CDH13: variants seen among roughly 807,000 people sequenced by gnomAD.
CDH13 encodes cadherin-13.
In CDH13, 24 loss-of-function variants were observed where a neutral mutation model predicts 63.8. The ratio of observed to expected loss-of-function variants is 0.38; its 90% CI spans 0.27 to 0.53. CDH13 has a LOEUF of 0.53. Ranked by LOEUF, CDH13 falls within the 20% of genes least tolerant of loss-of-function variation. The pLI is 0.85. For missense variants in CDH13, 1,049 were observed against 903.1 expected, an observed-to-expected ratio of 1.16 and a Z score of -2.07; for synonymous variants, 503 against 355.3, an observed-to-expected ratio of 1.42 and a Z score of -4.67.
intron 5 of CDH13, among the ~76,000 whole-genome samples, chr16:83,264,709 T>C (rs1907399686): frequency 6.6e-6 from 1 of 151,874 alleles, no homozygotes; most frequent in African/African-American, 2.4e-5. Flanking sequence ...CCCTAATTTC[T>C]AATTCCTAGA....
intron 1 of CDH13, among the ~76,000 whole-genome samples, chr16:82,772,772 G>A (rs1323203267): frequency 6.6e-6 from 1 of 152,152 alleles, no homozygotes; most frequent in Non-Finnish European, 1.5e-5. Context: ...AAAGTAATAT[G>A]TCTAACATCA....
intron 6 of CDH13, among the ~76,000 whole-genome samples, chr16:83,348,820 C>T (rs2090892841): frequency 6.6e-6 from 1 of 152,148 alleles, no homozygotes; most frequent in Non-Finnish European, 1.5e-5. Flanking sequence ...ATGCTTCACC[C>T]AGTGCTTAGG....
intron 4 of CDH13, among the ~76,000 whole-genome samples, chr16:83,160,959 G>A (rs1055488823): frequency 6.6e-6 from 1 of 152,186 alleles, no homozygotes; most frequent in Non-Finnish European, 1.5e-5. Flanking sequence ...TCCTGTTAGG[G>A]CAGAAATTGG....
intron 8 of CDH13, among the ~76,000 whole-genome samples, chr16:83,620,687 G>T (rs922789303): frequency 2.0e-5 from 3 of 152,142 alleles, no homozygotes; most frequent in South Asian, 2.1e-4. Context: ...GGGTCTTGTT[G>T]TCCCTCCACG....
intron 8 of CDH13, among the ~76,000 whole-genome samples, chr16:83,653,780 A>G (rs146346881): frequency 1.9e-3 from 287 of 152,338 alleles, no homozygotes; most frequent in African/African-American, 6.7e-3. Flanking sequence ...GTATCTATGT[A>G]GCATCTCACT....
chr16:83,088,216 T>C (rs1420172451), intron 3 of CDH13, among the ~76,000 whole-genome samples: 2 of 152,202 alleles, frequency 1.3e-5, no homozygotes, highest in African/African-American at 4.8e-5. Context: ...ACATTGCAGA[T>C]TCAACTCTGA....
chr16:82,895,686 TC>T (rs1486150029), intron 2 of CDH13, among the ~76,000 whole-genome samples: 4 of 62,048 alleles, frequency 6.4e-5, no homozygotes, highest in African/African-American at 1.5e-4. Flanking sequence ...GGGACGCCTC[TC>T]CCTTTTTTTT....
At chr16:82,747,707 C>A (rs984214216) in intron 1 of CDH13, among the ~76,000 whole-genome samples, 4 of 83,430 alleles carry the variant, frequency 4.8e-5, no homozygotes, top group Non-Finnish European at 1.2e-4. Context: ...GGCTTTGAAT[C>A]CACTTACAAA....
rs187561792 is a variant in CDH13, at chr16:82,839,746, T to G, written c.46-18616T>G. ...GATGTTTGACAAGCCAAGGAGACTC[T>G]AGTGTAGTCCCCCAGCCTACTGTAG... is the stretch of plus-strand genomic sequence containing the variant. On this transcript the variant is annotated intron_variant, in intron 1 of 13. Transcript: ENST00000567109. 1.0e-3 allele frequency among the ~76,000 whole-genome samples: 153 copies of G among 152,348 alleles called. 4 individuals are homozygous for G. In the East Asian group the frequency reaches 0.024, roughly 24 times the overall value.
intron 7 of CDH13, among the ~76,000 whole-genome samples, chr16:83,508,590 C>G (rs1040873601): frequency 6.6e-6 from 1 of 152,230 alleles, no homozygotes; most frequent in Non-Finnish European, 1.5e-5. Flanking sequence ...ACCATCCCTT[C>G]TTGACCCTTG....
chr16:83,060,621 C>T (rs1288530522), intron 3 of CDH13, among the ~76,000 whole-genome samples: 1 of 152,152 alleles, frequency 6.6e-6, no homozygotes, highest in Non-Finnish European at 1.5e-5. Context: ...TGAAACTCTC[C>T]GGAAAAGTTG....
At chr16:83,413,797 G>T (rs1355851600) in intron 6 of CDH13, among the ~76,000 whole-genome samples, 1 of 152,022 alleles carries the variant, frequency 6.6e-6, no homozygotes, top group Non-Finnish European at 1.5e-5. Context: ...AGTCCAGCCT[G>T]GCCAACATGG....
intron 2 of CDH13, among the ~76,000 whole-genome samples, chr16:82,899,631 G>A (rs1337219940): frequency 6.6e-6 from 1 of 152,090 alleles, no homozygotes; most frequent in Non-Finnish European, 1.5e-5. Flanking sequence ...GTGTTTTGGA[G>A]TATGCATGGA....
chr16:82,921,245 A>G (rs559024052), intron 2 of CDH13, among the ~76,000 whole-genome samples: 3 of 152,290 alleles, frequency 2.0e-5, no homozygotes, highest in South Asian at 4.1e-4. Flanking sequence ...AGTGGGTGGA[A>G]TTAAGTGCTG....
intron 6 of CDH13, among the ~76,000 whole-genome samples, chr16:83,408,386 C>A (rs538097743): frequency 4.6e-5 from 7 of 152,122 alleles, no homozygotes; most frequent in African/African-American, 1.7e-4. Context: ...AGTGCACTTA[C>A]GCAAATCTAG....
intron 1 of CDH13, chr16:82,773,518 A>T (rs374074979): frequency 3.3e-5 from 5 of 152,292 alleles, no homozygotes; most frequent in African/African-American, 1.2e-4. Context: ...TTTGAACATT[A>T]GGTAGGTCTC....
intron 10 of CDH13, among the ~76,000 whole-genome samples, chr16:83,742,279 A>C (rs1567565583): frequency 6.6e-6 from 1 of 151,986 alleles, no homozygotes; most frequent in South Asian, 2.1e-4. Context: ...AGTAACCCCC[A>C]CTGCGCTGCC....
At chr16:82,641,769 G>C (rs74030159) in intron 1 of CDH13, among the ~76,000 whole-genome samples, 3,294 of 152,262 alleles carry the variant, frequency 0.022, 114 homozygotes, top group African/African-American at 0.074. Context: ...CACTTTTCTA[G>C]GCACTGGGAA....
intron 1 of CDH13, among the ~76,000 whole-genome samples, chr16:82,807,706 C>A (rs1217423899): frequency 6.6e-5 from 10 of 152,116 alleles, no homozygotes; most frequent in Admixed American, 6.5e-4. Flanking sequence ...CTTCCTGTTT[C>A]TTACAGAGGA....
Sources: allele counts gnomAD v4.1 joint callset (sites outside exome capture counted in the v4.1 genomes callset), GRCh38; gene constraint gnomAD v4.1.1; transcripts MANE v1.5; gene names NCBI Gene and HGNC (gene_info 2026-07-23, HGNC 2026-07-21).